The following NCK1 variants were observed in gnomAD, a reference collection of about 807,000 sequenced individuals.
NCK1 encodes NCK adaptor protein 1, also known as SH2/SH3 adapter protein NCK1.
NCK1 carries 19 observed loss-of-function variants against 36.6 expected under a neutral mutation model. The observed-to-expected ratio is 0.52, with a 90% CI of 0.36 to 0.76. NCK1 has a LOEUF of 0.76. Among genes scored for constraint, NCK1 ranks in the 30% least tolerant of loss-of-function variants. The probability of loss-of-function intolerance (pLI) is 0.00; values close to 1 mark genes in which losing one functional copy is unlikely to be tolerated. For missense variants in NCK1, 358 were observed against 445.6 expected (o/e 0.80, Z 1.77); for synonymous variants, 165 against 156.0 (o/e 1.06, Z -0.43).
intron 1 of NCK1, chr3:136,899,700 G>T: frequency 1.3e-6 from 1 of 777,694 alleles, no homozygotes; most frequent in South Asian, 1.4e-5. Flanking sequence ...ACTGCAATTA[G>T]AGATACGAGG....
At chr3:136,928,286 C>A in intron 2 of NCK1, 59 bp downstream of exon 2, 5 of 1,446,096 alleles carry the variant, frequency 3.5e-6, no homozygotes, top group South Asian at 1.4e-5. Context: ...CAACTTAGTT[C>A]TTTGTACATA....
intron 2 of NCK1, among the ~76,000 whole-genome samples, chr3:136,942,430 C>T (rs950175624): frequency 1.1e-4 from 17 of 152,158 alleles, no homozygotes; most frequent in African/African-American, 3.6e-4. Context: ...ATTCCATTTG[C>T]TTAGTAATCA....
intron 1 of NCK1, among the ~76,000 whole-genome samples, chr3:136,878,729 G>C (rs1355548310): frequency 2.0e-5 from 2 of 101,048 alleles, no homozygotes; most frequent in Non-Finnish European, 4.3e-5. Context: ...AAGAAAGGTT[G>C]AGTCTAGATT....
chr3:136,947,546 G>A (rs1940862164), intron 3 of NCK1, among the ~76,000 whole-genome samples: 1 of 151,968 alleles, frequency 6.6e-6, no homozygotes, highest in Non-Finnish European at 1.5e-5. Context: ...TAAATATTAG[G>A]ATATTTATTA....
chr3:136,890,892 C>T (rs570471099), intron 1 of NCK1, among the ~76,000 whole-genome samples: 3 of 152,318 alleles, frequency 2.0e-5, no homozygotes, highest in African/African-American at 4.8e-5. Flanking sequence ...CCCAAGTCTG[C>T]CATCCCCCCA....
intron 1 of NCK1, among the ~76,000 whole-genome samples, chr3:136,872,539 C>G (rs1292741982): frequency 6.6e-6 from 1 of 152,202 alleles, no homozygotes; most frequent in Non-Finnish European, 1.5e-5. Context: ...AGGAGAAATT[C>G]AAGCTGGCTA....
In NCK1 at chr3:136,950,046, G is replaced by C. The variant is rs1463430165; in HGVS notation, c.*1593G>C. 6.6e-6 allele frequency among the ~76,000 whole-genome samples: 1 copy of C among 151,970 alleles called. No homozygotes were observed. Among genetic ancestry groups the C allele is most frequent in the Non-Finnish European group, 1.5e-5 (1 of 67,946 alleles). On this transcript the variant is annotated 3_prime_UTR_variant, in exon 4 of 4. Transcript: ENST00000481752. ...TTTTCTAACTCAGTACTCCTTTGTT[G>C]AGGGTAATTATTAGTAGTTAAGTTT...
chr3:136,884,241 G>C (rs1429529156), intron 1 of NCK1, among the ~76,000 whole-genome samples: 1 of 152,082 alleles, frequency 6.6e-6, no homozygotes. Context: ...TTAATATAGG[G>C]GTAAGGAAAC....
chr3:136,940,447 C>T (rs1940642041), intron 2 of NCK1, among the ~76,000 whole-genome samples: 1 of 152,124 alleles, frequency 6.6e-6, no homozygotes, highest in African/African-American at 2.4e-5. Flanking sequence ...TTGAGGCTCT[C>T]TTGTTAGGTA....
intron 1 of NCK1, among the ~76,000 whole-genome samples, chr3:136,872,267 T>C (rs967573455): frequency 2.6e-5 from 4 of 152,216 alleles, no homozygotes; most frequent in African/African-American, 9.6e-5. Context: ...GGGGAACTTG[T>C]TGGGAACTGG....
chr3:136,924,519 T>A (rs1446719485), intron 1 of NCK1, among the ~76,000 whole-genome samples: 1 of 152,176 alleles, frequency 6.6e-6, no homozygotes, highest in Non-Finnish European at 1.5e-5. Flanking sequence ...TAAGAATGTT[T>A]AAAAAAATAC....
At chr3:136,945,287 T>A (rs1311294237) in intron 2 of NCK1, among the ~76,000 whole-genome samples, 2 of 152,190 alleles carry the variant, frequency 1.3e-5, no homozygotes, top group East Asian at 3.8e-4. Context: ...AAGAGGGAAT[T>A]CATTAATTTA....
At chr3:136,864,897 A>G (rs924734241) in intron 1 of NCK1, among the ~76,000 whole-genome samples, 3 of 147,804 alleles carry the variant, frequency 2.0e-5, no homozygotes, top group African/African-American at 7.5e-5. Context: ...AGCTGGGACT[A>G]CAGGTGTGTG....
chr3:136,880,782 A>G (rs1158995454), intron 1 of NCK1, among the ~76,000 whole-genome samples: 1 of 151,744 alleles, frequency 6.6e-6, no homozygotes, highest in African/African-American at 2.4e-5. Flanking sequence ...TAATTTTTTG[A>G]CCCTTTGTGG....
chr3:136,869,594 G>C (rs577416446), intron 1 of NCK1, among the ~76,000 whole-genome samples: 15 of 152,258 alleles, frequency 9.9e-5, no homozygotes, highest in African/African-American at 3.6e-4. Flanking sequence ...TGGTGAGTTA[G>C]AGTGCTTTTA....
At chr3:136,931,270 C>T (rs1940383751) in intron 2 of NCK1, among the ~76,000 whole-genome samples, 1 of 152,062 alleles carries the variant, frequency 6.6e-6, no homozygotes, top group Non-Finnish European at 1.5e-5. Context: ...TAGTGGCCTC[C>T]TTATGATCTT....
intron 1 of NCK1, among the ~76,000 whole-genome samples, chr3:136,888,653 C>T (rs112504828): frequency 3.3e-5 from 5 of 152,178 alleles, no homozygotes; most frequent in African/African-American, 9.6e-5. Flanking sequence ...CCACCGCACC[C>T]AGCCATATTG....
At chr3:136,910,007 A>AT (rs1052515062) in intron 1 of NCK1, among the ~76,000 whole-genome samples, 13 of 151,714 alleles carry the variant, frequency 8.6e-5, no homozygotes, top group Admixed American at 2.6e-4. Flanking sequence ...TATATTTAGA[A>AT]TTTTTTTTCT....
chr3:136,926,305 C>T (rs928285377), intron 1 of NCK1, among the ~76,000 whole-genome samples: 107 of 151,682 alleles, frequency 7.1e-4, no homozygotes, highest in African/African-American at 2.3e-3. Context: ...TACAGAGTCT[C>T]GCTCTGCGGC....
Sources: allele counts gnomAD v4.1 joint callset (sites outside exome capture counted in the v4.1 genomes callset), GRCh38; gene constraint gnomAD v4.1.1; transcripts MANE v1.5; gene names NCBI Gene and HGNC (gene_info 2026-07-23, HGNC 2026-07-21).